The following FAM110C variants were observed in gnomAD, a reference collection of about 807,000 sequenced individuals.
FAM110C encodes the protein protein FAM110C.
In FAM110C, 19 loss-of-function variants were observed where a neutral mutation model predicts 15.7. That is an observed-to-expected ratio of 1.21 (90% CI 0.85 to 1.78). The LOEUF is 1.78. FAM110C is among the 40% of genes most tolerant of loss of function. FAM110C has a pLI of 0.00. For synonymous variants in FAM110C, 275 were observed against 233.9 expected, an observed-to-expected ratio of 1.18 and a Z score of -1.61; for missense variants, 547 against 495.7, an observed-to-expected ratio of 1.10 and a Z score of -0.98.
rs759024493 is a variant in FAM110C at position 45,633 on chromosome 2, C to T, written c.753G>A (p.Val251=). 6.2e-7 allele frequency: 1 copy of T among 1,612,784 alleles called. No homozygotes were observed. The highest frequency in any genetic ancestry group is 1.1e-5 in the South Asian group (1 of 90,952). Residue 251 remains valine, a synonymous_variant, in exon 1 of 2, where the codon GTG becomes GTA. Coordinates refer to ENST00000327669, the MANE Select transcript of FAM110C (RefSeq NM_001077710.3). The part of the protein sequence containing the change: ...SDCVTLKVRS[V]SVATSGSGFS... ...AGCCGCTGCCGGAGGTGGCGACGCT[C>T]ACGCTGCGCACCTTGAGGGTCACAC...
In FAM110C at chr2:46,285, CTG is replaced by C; in HGVS notation, c.99_100del (p.Arg34GlufsTer98). 6 of 1,360,116 alleles carry C rather than the reference CTG, an allele frequency of 4.4e-6. No homozygotes were observed. The highest frequency in any genetic ancestry group is 5.7e-6 in the Non-Finnish European group (6 of 1,060,058). The allele number at this position is 1,360,116 out of a possible 1,614,324, so 84.3% of individuals were successfully genotyped here. On this transcript the variant is annotated frameshift_variant, in exon 1 of 2. Coordinates refer to ENST00000327669, the MANE Select transcript of FAM110C (RefSeq NM_001077710.3). LOFTEE classifies it high-confidence loss of function. ...CGCCGCCAGCCTCTCCACTGCGCTC[CTG>C]CGCGCCGGCCGCGCGGCGTCGGGGT...
intron 1 of FAM110C, chr2:43,687 GT>G: frequency 3.0e-6 from 3 of 985,288 alleles, no homozygotes; most frequent in Non-Finnish European, 3.6e-6. Flanking sequence ...ATGTTGTCAG[GT>G]TTTACTTTGG....
chr2:42,859 C>A, intron 1 of FAM110C: 1 of 985,446 alleles, frequency 1.0e-6, no homozygotes, highest in Non-Finnish European at 1.2e-6. Flanking sequence ...TAAAATGAAT[C>A]CTTATAAATT....
chr2:45,189 G>C (rs1664240199), intron 1 of FAM110C: 8 of 985,310 alleles, frequency 8.1e-6, no homozygotes, highest in Non-Finnish European at 9.6e-6. Context: ...TGCCTTTCCA[G>C]GCAGCCAGAC....
chr2:43,641 G>A, intron 1 of FAM110C: 4 of 985,292 alleles, frequency 4.1e-6, no homozygotes, highest in Non-Finnish European at 4.8e-6. Context: ...AACCAGCCTG[G>A]GTCTGGAGGG....
intron 1 of FAM110C, chr2:42,049 T>C (rs1011545869): frequency 1.0e-6 from 1 of 985,392 alleles, no homozygotes. Context: ...CCAATATCTC[T>C]TAAAGGCCCA....
Position 45,790 on chromosome 2 carries a change from C to G in FAM110C, c.596G>C (p.Arg199Pro), listed in dbSNP as rs1322614070. Reference protein sequence around the residue: ...PRVVRRRGLQRSQSDLSSRYS... With the variant: ...PRVVRRRGLQPSQSDLSSRYS... ...GCGGGAGCTGAGGTCCGACTGTGAG[C>G]GCTGCAGCCCCCGACGCCTCACCAC... The change falls in exon 1 of 2, where the codon CGC becomes CCC. Residue 199 changes from arginine (R) to proline (P), a missense_variant. Coordinates refer to ENST00000327669, the MANE Select transcript of FAM110C (RefSeq NM_001077710.3). 1.3e-6 allele frequency: 2 copies of G among 1,559,046 alleles called. No homozygotes were observed. The highest frequency in any genetic ancestry group is 1.2e-5 in the South Asian group (1 of 85,342).
At chr2:42,065 G>A (rs1035897465) in intron 1 of FAM110C, 18 of 985,242 alleles carry the variant, frequency 1.8e-5, no homozygotes, top group African/African-American at 1.6e-4. Context: ...GCCCAGGCGC[G>A]GGTCACACGA....
chr2:42,221 G>C, intron 1 of FAM110C: 1 of 985,398 alleles, frequency 1.0e-6, no homozygotes, highest in Non-Finnish European at 1.2e-6. Context: ...TTGCAAATAT[G>C]AGACACAACT....
rs1048472635 is a variant in FAM110C at position 39,091 on chromosome 2, G to T, written c.*2517C>A. The T allele has an allele frequency of 1.3e-5, 2 of 152,162 alleles. No homozygotes were observed. Among genetic ancestry groups the T allele is most frequent in the Middle Eastern group, 3.4e-3 (1 of 294 alleles). The allele number at this position is 152,162 out of a possible 1,614,324, so 9.4% of individuals were successfully genotyped here. On this transcript the variant is annotated 3_prime_UTR_variant, in exon 2 of 2. Transcript: ENST00000327669. ...TTTAATTACATTTTGAAAAATTGTC[G>T]TTCTTTCATGAACAAATAAAAGTAC...
rs373037350 is a variant in FAM110C at position 41,612 on chromosome 2, C to T, written c.962G>A (p.Arg321Gln). Reference protein sequence around the residue: ...QSRTRGSKPSR With the variant: ...QSRTRGSKPSQ ...AAATCCTTCAAGAAGTCTTCATCAT[C>T]GGGAAGGTTTGCTTCCTGAGGAGTT... The change falls in exon 2 of 2, where the codon CGA (arginine) becomes CAA (glutamine). Residue 321 changes from arginine to glutamine, a missense_variant. Physicochemically the swap from Arg to Gln is conservative, Grantham distance 43. Coordinates refer to ENST00000327669, the MANE Select transcript of FAM110C (RefSeq NM_001077710.3). The T allele has an allele frequency of 9.9e-5, 160 of 1,613,400 alleles. No homozygotes were observed. The highest frequency in any genetic ancestry group is 8.0e-4 in the East Asian group (36 of 44,844).
Position 46,207 on chromosome 2 carries a change from G to GC in FAM110C, c.178_179insG (p.Ser60CysfsTer73), listed in dbSNP as rs1664300010. On this transcript the variant is annotated frameshift_variant, in exon 1 of 2. Transcript: ENST00000327669. LOFTEE classifies it high-confidence loss of function. Reference sequence around the variant, plus strand: ...GATCGCCCCCGGGCCGCTGCCCTCGGAAGCGACGCCCCGGCCAGTCCCCGG... The same window carrying GC: ...GATCGCCCCCGGGCCGCTGCCCTCGGCAAGCGACGCCCCGGCCAGTCCCCGG... 10 of 1,378,856 alleles carry GC rather than the reference G, an allele frequency of 7.3e-6. No individual in the cohort carries two copies. Among genetic ancestry groups the GC allele is most frequent in the Non-Finnish European group, 8.4e-6 (9 of 1,072,312 alleles). The allele number at this position is 1,378,856 out of a possible 1,614,324, so 85.4% of individuals were successfully genotyped here.
At position 45,901 on chromosome 2, in the gene FAM110C, G is replaced by T. The variant is rs549159906; in HGVS notation, c.485C>A (p.Pro162His). Residue 162 changes from proline to histidine, a missense_variant, in exon 1 of 2, where the codon CCC becomes CAC. Physicochemically the swap from Pro to His is moderately conservative, Grantham distance 77. Coordinates refer to ENST00000327669, the MANE Select transcript of FAM110C (RefSeq NM_001077710.3). ...TGGGGCTGGGGTCTCGGGGATTGCG[G>T]GGTCCGCCGCGGGGCCAGGAGTGGT... ...VPTTPGPAADPAIPETPAPAA... is the reference protein window; with the variant it reads ...VPTTPGPAADHAIPETPAPAA... 105 of 1,418,172 alleles carry T rather than the reference G, an allele frequency of 7.4e-5. No homozygotes were observed. In the East Asian group the frequency reaches 2.9e-3, roughly 39 times the overall value. 87.8% of individuals were successfully genotyped at this position (1,418,172 alleles called of 1,614,324 possible).
Position 41,509 on chromosome 2 carries a change from G to A in FAM110C, c.*99C>T, listed in dbSNP as rs6751912. The A allele has an allele frequency of 1.0e-3, 1,354 of 1,360,462 alleles. 14 individuals are homozygous for A. The African/African-American group carries it at 0.017, about 17-fold the overall frequency. The allele number at this position is 1,360,462 out of a possible 1,614,324, so 84.3% of individuals were successfully genotyped here. A position where few individuals can be genotyped will look rare whatever the true frequency, so the allele number is the denominator to read the frequency against. ...GCACTTGTTTTGTCAATGGGATGCTGCATTCCTGGTAAAACAGCAATCATG... is the reference window on the plus strand; with the variant it reads ...GCACTTGTTTTGTCAATGGGATGCTACATTCCTGGTAAAACAGCAATCATG... On this transcript the variant is annotated 3_prime_UTR_variant, in exon 2 of 2. Transcript: ENST00000327669.
At position 41,529 on chromosome 2, in the gene FAM110C, AT is replaced by A. The variant is rs1664124539; in HGVS notation, c.*78del. 1 of 1,528,998 alleles carries A rather than the reference AT, an allele frequency of 6.5e-7. No homozygotes were observed. 94.7% of individuals were successfully genotyped at this position (1,528,998 alleles called of 1,614,324 possible). ...ATGCTGCATTCCTGGTAAAACAGCA[AT>A]CATGTGGTCACCTAGGCACACTAGC... On this transcript the variant is annotated 3_prime_UTR_variant, in exon 2 of 2. Transcript: ENST00000327669.
At chr2:43,494 T>C in intron 1 of FAM110C, 1 of 985,400 alleles carries the variant, frequency 1.0e-6, no homozygotes. Flanking sequence ...GTCATAAAAG[T>C]GAAAGTTCTC....
In FAM110C at chr2:41,547, C is replaced by A; in HGVS notation, c.*61G>T. On this transcript the variant is annotated 3_prime_UTR_variant, in exon 2 of 2. Transcript: ENST00000327669. ...AACAGCAATCATGTGGTCACCTAGGCACACTAGCCAAATGGTCCTGGGATC... is the reference window on the plus strand; with the variant it reads ...AACAGCAATCATGTGGTCACCTAGGAACACTAGCCAAATGGTCCTGGGATC... 1 of 1,598,486 alleles carries A rather than the reference C, an allele frequency of 6.3e-7. No individual in the cohort carries two copies. The highest frequency in any genetic ancestry group is 8.6e-7 in the Non-Finnish European group (1 of 1,169,102).
chr2:41,619 G>T lies in FAM110C; in HGVS notation c.955C>A (p.Pro319Thr), dbSNP rs776805931. Residue 319 changes from proline (P) to threonine (T), a missense_variant, in exon 2 of 2, where the codon CCT becomes ACT. Pro to Thr is a conservative substitution (Grantham distance 38). Coordinates refer to ENST00000327669, the MANE Select transcript of FAM110C (RefSeq NM_001077710.3). ...QEQSRTRGSK[P>T]SR ...TCAAGAAGTCTTCATCATCGGGAAG[G>T]TTTGCTTCCTGAGGAGTTAAAGAAA... 5 of 1,613,346 alleles carry T rather than the reference G, an allele frequency of 3.1e-6. No homozygotes were observed. Among genetic ancestry groups the T allele is most frequent in the South Asian group, 2.2e-5 (2 of 90,970 alleles).
chr2:45,756 A>C lies in FAM110C; in HGVS notation c.630T>G (p.Ala210=). 1 of 1,584,630 alleles carries C rather than the reference A, an allele frequency of 6.3e-7. No individual in the cohort carries two copies. The highest frequency in any genetic ancestry group is 8.6e-7 in the Non-Finnish European group (1 of 1,167,654). ...SQSDLSSRYS[A]ALAESDTFFQ... is the part of the protein sequence containing the mutation. ...AGAAGGTGTCAGACTCGGCCAAGGC[A>C]GCGGAATAGCGGGAGCTGAGGTCCG... The change falls in exon 1 of 2, where the codon GCT becomes GCG. Residue 210 remains alanine, a synonymous_variant. Transcript: ENST00000327669.
Sources: gnomAD v4.1 joint callset for allele counts on GRCh38, gnomAD v4.1.1 for gene constraint, MANE v1.5 for transcripts, NCBI Gene and HGNC (gene_info 2026-07-23, HGNC 2026-07-21) for gene names.